LRRFIP1: variants seen among roughly 807,000 people sequenced by gnomAD.
The protein encoded by LRRFIP1 is LRR binding FLII interacting protein 1, also known as leucine-rich repeat flightless-interacting protein 1.
A neutral mutation model predicts 104.4 loss-of-function variants in LRRFIP1; 62 were observed. The ratio of observed to expected loss-of-function variants is 0.59; its 90% CI spans 0.48 to 0.73. The LOEUF (loss-of-function observed/expected upper bound fraction) is 0.73, where lower values mean the gene tolerates loss of function less well. Ranked by LOEUF, LRRFIP1 falls within the 30% of genes least tolerant of loss-of-function variation. LRRFIP1 has a pLI of 0.00. For missense variants in LRRFIP1, 796 were observed against 824.5 expected, an observed-to-expected ratio of 0.97 and a Z score of 0.42; for synonymous variants, 300 against 299.0, an observed-to-expected ratio of 1.00 and a Z score of -0.03.
At chr2:237,729,379 C>G (rs918062115) in intron 8 of LRRFIP1, among the ~76,000 whole-genome samples, 1 of 152,206 alleles carries the variant, frequency 6.6e-6, no homozygotes, top group African/African-American at 2.4e-5. Context: ...AGCTATAGCC[C>G]GCAGGCGGGC....
intron 1 of LRRFIP1, among the ~76,000 whole-genome samples, chr2:237,670,905 C>T (rs1038135680): frequency 3.9e-5 from 6 of 152,228 alleles, no homozygotes; most frequent in African/African-American, 1.4e-4. Flanking sequence ...CTCCTCCTCC[C>T]TCTCCTCCTC....
chr2:237,747,799 G>T (rs1314489349), intron 11 of LRRFIP1, among the ~76,000 whole-genome samples: 1 of 151,936 alleles, frequency 6.6e-6, no homozygotes, highest in East Asian at 1.9e-4. Flanking sequence ...ACTCAACCTT[G>T]GTAACCTTCT....
At chr2:237,764,915 T>A (rs115721544) in intron 19 of LRRFIP1, 2 of 985,644 alleles carry the variant, frequency 2.0e-6, no homozygotes, top group African/African-American at 3.5e-5. Context: ...CTGGAAGTGA[T>A]ATATGTCAAA....
In LRRFIP1 at chr2:237,627,614, G is replaced by A. The variant is rs920848891; in HGVS notation, c.-31G>A. The A allele has an allele frequency of 1.6e-6, 2 of 1,242,826 alleles. No homozygotes were observed. The highest frequency in any genetic ancestry group is 2.0e-6 in the Non-Finnish European group (2 of 976,532). The allele number at this position is 1,242,826 out of a possible 1,614,324, so 77.0% of individuals were successfully genotyped here. A position where few individuals can be genotyped will look rare whatever the true frequency, so the allele number is the denominator to read the frequency against. ...GGCGGCGCGAGCGGCTGGAGCAACG[G>A]GCCCCGCGGCAGCTGCGGGCGACGC... is the stretch of plus-strand genomic sequence containing the variant. On this transcript the variant is annotated 5_prime_UTR_variant, in exon 1 of 24. Transcript: ENST00000308482.
intron 19 of LRRFIP1, chr2:237,762,848 A>G (rs1226015722): frequency 1.9e-6 from 3 of 1,614,250 alleles, no homozygotes; most frequent in South Asian, 1.1e-5. Flanking sequence ...TCTTGAGAGC[A>G]GTTCTCTCCC....
Position 237,749,168 on chromosome 2 carries a change from A to G in LRRFIP1, c.670-31A>G, listed in dbSNP as rs368760074. ...TTGGGTGGGGACACAGAGCTAAACC[A>G]TATCAGCATGTGATCCTCTCAACGT... On this transcript the variant is annotated intron_variant, in intron 12 of 23. Coordinates refer to ENST00000308482, the MANE Select transcript of LRRFIP1 (RefSeq NM_001137550.2). The G allele has an allele frequency of 5.0e-5, 81 of 1,607,814 alleles. No homozygotes were observed. In the African/African-American group the frequency reaches 8.8e-4, roughly 18 times the overall value.
In LRRFIP1 at chr2:237,691,959, T is replaced by G. The variant is rs1231611892; in HGVS notation, c.97-16585T>G. Among the ~76,000 whole-genome samples, 3 of 25,904 alleles carry G rather than the reference T, an allele frequency of 1.2e-4. No homozygotes were observed. Among genetic ancestry groups the G allele is most frequent in the Non-Finnish European group, 1.5e-4 (2 of 13,434 alleles). The allele number at this position is 25,904 out of a possible 152,430, so 17.0% of individuals were successfully genotyped here. On this transcript the variant is annotated intron_variant, in intron 1 of 23. Coordinates refer to ENST00000308482, the MANE Select transcript of LRRFIP1 (RefSeq NM_001137550.2). The surrounding 1 kb of genome is among the most constrained non-coding windows in gnomAD (Gnocchi z 5.4). ...GAGCGCGGAAGGGCGGGACAGGCCGTGGGGCGGGGCCTGGGTGGGGCGGAG... is the reference window on the plus strand; with the variant it reads ...GAGCGCGGAAGGGCGGGACAGGCCGGGGGGCGGGGCCTGGGTGGGGCGGAG...
chr2:237,694,474 G>C (rs1374245199), intron 1 of LRRFIP1, among the ~76,000 whole-genome samples: 1 of 152,084 alleles, frequency 6.6e-6, no homozygotes, highest in Non-Finnish European at 1.5e-5. Flanking sequence ...GTCATCATGG[G>C]TGGGGGGTAG....
intron 8 of LRRFIP1, among the ~76,000 whole-genome samples, chr2:237,728,713 G>A (rs1262710207): frequency 1.3e-5 from 2 of 151,868 alleles, no homozygotes; most frequent in African/African-American, 4.8e-5. Flanking sequence ...TCCTAATTGT[G>A]TAAAATAGTA....
intron 1 of LRRFIP1, among the ~76,000 whole-genome samples, chr2:237,652,056 T>C (rs2086027005): frequency 6.6e-6 from 1 of 152,204 alleles, no homozygotes; most frequent in Admixed American, 6.5e-5. Flanking sequence ...GGTCGTCCCA[T>C]GTTTAGTGAA....
At chr2:237,700,783 T>G (rs1162332795) in intron 1 of LRRFIP1, among the ~76,000 whole-genome samples, 2 of 152,160 alleles carry the variant, frequency 1.3e-5, no homozygotes, top group African/African-American at 2.4e-5. Context: ...CTGTATGCCC[T>G]GGGTCTCCCC....
rs56353058 is a variant in LRRFIP1 at position 237,703,099 on chromosome 2, C to T, written c.97-5445C>T. On this transcript the variant is annotated intron_variant, in intron 1 of 23. Transcript: ENST00000308482. This position sits in a 1 kb window ranked among gnomAD's most constrained non-coding sequence, Gnocchi z 4.3. Reference sequence around the variant, plus strand: ...AGCCCCCATGAACCCTAGCGAGGGCCATGCCAAGAAGCCGCTGTTCTAATC... The same window carrying T: ...AGCCCCCATGAACCCTAGCGAGGGCTATGCCAAGAAGCCGCTGTTCTAATC... 1.9e-3 allele frequency among the ~76,000 whole-genome samples: 283 copies of T among 152,260 alleles called. No homozygotes were observed. Among genetic ancestry groups the T allele is most frequent in the Non-Finnish European group, 3.1e-3 (214 of 68,012 alleles).
chr2:237,655,930 A>G (rs1342931699), intron 1 of LRRFIP1, among the ~76,000 whole-genome samples: 1 of 152,180 alleles, frequency 6.6e-6, no homozygotes, highest in East Asian at 1.9e-4. Context: ...TTTCCAGTTT[A>G]CTCTTATCTT....
intron 1 of LRRFIP1, among the ~76,000 whole-genome samples, chr2:237,701,877 C>T (rs1187185930): frequency 6.6e-6 from 1 of 152,194 alleles, no homozygotes; most frequent in Non-Finnish European, 1.5e-5. Flanking sequence ...CAGTCTTCTG[C>T]AGGCCTCTCC....
Position 237,649,158 on chromosome 2 carries a change from C to T in LRRFIP1, c.96+21418C>T, listed in dbSNP as rs1393239103. Among the ~76,000 whole-genome samples the T allele has an allele frequency of 2.0e-5, 3 of 151,862 alleles. No individual in the cohort carries two copies. The East Asian group carries it at 5.8e-4, about 29-fold the overall frequency. ...CTCGCATGGTCCCAGCCTCAGAGCC[C>T]CGTTCTCTGTGACCTGGCTGGGTCA... is the stretch of plus-strand genomic sequence containing the variant. On this transcript the variant is annotated intron_variant, in intron 1 of 23. Transcript: ENST00000308482. The surrounding 1 kb of genome is among the most constrained non-coding windows in gnomAD (Gnocchi z 4.1).
At chr2:237,631,285 G>A (rs753525550) in intron 1 of LRRFIP1, among the ~76,000 whole-genome samples, 9 of 152,196 alleles carry the variant, frequency 5.9e-5, no homozygotes, top group African/African-American at 1.4e-4. Flanking sequence ...TCGCTGGAGC[G>A]AGGGGAAGAG....
At chr2:237,772,698 A>G (rs1170483229) in intron 21 of LRRFIP1, 168 bp from the exon 22 acceptor site, 1 of 605,752 alleles carries the variant, frequency 1.7e-6, no homozygotes, top group African/African-American at 1.9e-5. Context: ...GTTCATGGGG[A>G]GAGAGTGCCT....
chr2:237,729,911 T>C (rs922203600), intron 8 of LRRFIP1: 24 of 730,468 alleles, frequency 3.3e-5, no homozygotes, highest in Non-Finnish European at 3.8e-5. Flanking sequence ...CAATCTTGTG[T>C]GTGTGGATTC....
chr2:237,763,002 A>T, intron 19 of LRRFIP1: 1 of 1,614,256 alleles, frequency 6.2e-7, no homozygotes, highest in South Asian at 1.1e-5. Flanking sequence ...GCAGTGACTC[A>T]GGTTGAAGAG....
Sources: allele counts gnomAD v4.1 joint callset (sites outside exome capture counted in the v4.1 genomes callset), GRCh38; gene constraint gnomAD v4.1.1; non-coding constraint Gnocchi (gnomAD v3.1); transcripts MANE v1.5; gene names NCBI Gene and HGNC (gene_info 2026-07-23, HGNC 2026-07-21).